POLG: variants seen among roughly 807,000 people sequenced by gnomAD.
POLG encodes the protein DNA polymerase gamma, catalytic subunit.
POLG carries 110 observed loss-of-function variants against 155.4 expected under a neutral mutation model. The observed-to-expected ratio is 0.71, with a 90% CI of 0.61 to 0.83. The LOEUF is 0.83. Among genes scored for constraint, POLG ranks in the 40% least tolerant of loss-of-function variants. POLG has a pLI of 0.00. For missense variants in POLG, 1,685 were observed against 1,627.5 expected, an observed-to-expected ratio of 1.04 and a Z score of -0.61; for synonymous variants, 701 against 631.5, an observed-to-expected ratio of 1.11 and a Z score of -1.65.
At position 89,333,079 on chromosome 15, in the gene POLG, A is replaced by T; in HGVS notation, c.659+17T>A. 6.6e-7 allele frequency: 1 copy of T among 1,510,132 alleles called. No individual in the cohort carries two copies. Among genetic ancestry groups the T allele is most frequent in the Non-Finnish European group, 8.9e-7 (1 of 1,129,778 alleles). 93.5% of individuals were successfully genotyped at this position (1,510,132 alleles called of 1,614,324 possible). On this transcript the variant is annotated intron_variant, in intron 2 of 22. Coordinates refer to ENST00000268124, the MANE Select transcript of POLG (RefSeq NM_002693.3). ...GCCCCCATGCCTGCTTATGTCCCCAACCCTGCCCCTACTTACCAGGCCGAG... is the reference window on the plus strand; with the variant it reads ...GCCCCCATGCCTGCTTATGTCCCCATCCCTGCCCCTACTTACCAGGCCGAG...
At chr15:89,318,855 T>C (rs914900443) in intron 20 of POLG, 76 bp downstream of exon 20, 2 of 1,577,980 alleles carry the variant, frequency 1.3e-6, no homozygotes, top group East Asian at 4.5e-5. Flanking sequence ...CCTACAAACA[T>C]TGGTAAGGTC....
Position 89,325,284 on chromosome 15 carries a change from A to AAG in POLG, c.1949+164_1949+165dup, listed in dbSNP as rs145083754. Among the ~76,000 whole-genome samples the AAG allele has an allele frequency of 3.2e-3, 184 of 57,408 alleles. 56 individuals are homozygous for AAG. The highest frequency in any genetic ancestry group is 0.021 in the African/African-American group (160 of 7,786). 37.7% of individuals were successfully genotyped at this position (57,408 alleles called of 152,430 possible). ...TGAGTGAGTGAGTGAGAGAGAGAGA[A>AAG]AGAGAGAGAGAGAGGGTGTGTGTGT... On this transcript the variant is annotated intron_variant, in intron 10 of 22. Coordinates refer to ENST00000268124, the MANE Select transcript of POLG (RefSeq NM_002693.3).
intron 10 of POLG, 183 bp from the exon 11 acceptor site, chr15:89,324,410 A>C (rs968610893): frequency 1.4e-6 from 1 of 718,286 alleles, no homozygotes; most frequent in Non-Finnish European, 2.4e-6. Flanking sequence ...AAATGACAGC[A>C]CCCTGGCAGC....
rs1056580076 is a variant in POLG, at chr15:89,333,324, T to C, written c.431A>G (p.Gln144Arg). Residue 144 changes from glutamine (Q) to arginine (R), a missense_variant, in exon 2 of 23, where the codon CAG (glutamine) becomes CGG (arginine). Transcript: ENST00000268124. ...CTCCAGGTAGGGCAGGCTCTGCTTC[T>C]GGGCCAGGAGGCGGAAGTGCTGGTC... ...NLDQHFRLLA[Q>R]KQSLPYLEAA... is the part of the protein sequence containing the mutation. 5.8e-6 allele frequency: 9 copies of C among 1,559,106 alleles called. No homozygotes were observed. The highest frequency in any genetic ancestry group is 7.8e-6 in the Non-Finnish European group (9 of 1,152,444).
rs3176191 is a variant in POLG at position 89,325,717 on chromosome 15, C to T, written c.1713-31G>A. 8.4e-3 allele frequency: 12,675 copies of T among 1,503,288 alleles called. 92 individuals are homozygous for T. The highest frequency in any genetic ancestry group is 0.01 in the Non-Finnish European group (11,296 of 1,090,414). 93.1% of individuals were successfully genotyped at this position (1,503,288 alleles called of 1,614,324 possible). A position where few individuals can be genotyped will look rare whatever the true frequency, so the allele number is the denominator to read the frequency against. On this transcript the variant is annotated intron_variant, in intron 9 of 22. Coordinates refer to ENST00000268124, the MANE Select transcript of POLG (RefSeq NM_002693.3). ...TCCCAGCAGGAAGACAGCAGTGTCA[C>T]GATGGTAAGGGCAGTTGTTGGGGGG...
Position 89,320,085 on chromosome 15 carries a change from C to G in POLG, c.2981+681G>C, listed in dbSNP as rs541492840. 2.0e-5 allele frequency among the ~76,000 whole-genome samples: 3 copies of G among 152,374 alleles called. No homozygotes were observed. The East Asian group carries it at 5.8e-4, about 29-fold the overall frequency. On this transcript the variant is annotated intron_variant, in intron 18 of 22. Transcript: ENST00000268124. ...ATCCACTGGACGATACTCAGCTCCCCTTCCCTGCATTTATAGTCATCAACC... is the reference window on the plus strand; with the variant it reads ...ATCCACTGGACGATACTCAGCTCCCGTTCCCTGCATTTATAGTCATCAACC...
Position 89,328,492 on chromosome 15 carries a change from T to C in POLG, c.1214A>G (p.Glu405Gly). 3 of 1,613,820 alleles carry C rather than the reference T, an allele frequency of 1.9e-6. No individual in the cohort carries two copies. The highest frequency in any genetic ancestry group is 2.5e-6 in the Non-Finnish European group (3 of 1,179,984). Reference protein sequence around the residue: ...YCAQDVWATHEVFQQQLPLFL... With the variant: ...YCAQDVWATHGVFQQQLPLFL... Reference sequence around the variant, plus strand: ...GAGCGGTAGCTGCTGCTGGAAAACCTCATGGGTGGCCCACACGTCCTGGGC... The same window carrying C: ...GAGCGGTAGCTGCTGCTGGAAAACCCCATGGGTGGCCCACACGTCCTGGGC... Residue 405 changes from glutamate (E) to glycine (G), a missense_variant, in exon 6 of 23, where the codon GAG becomes GGG. Glu to Gly is a moderately conservative substitution (Grantham distance 98, BLOSUM62 -2). Coordinates refer to ENST00000268124, the MANE Select transcript of POLG (RefSeq NM_002693.3).
chr15:89,318,432 C>T lies in POLG; in HGVS notation c.3482+109G>A, dbSNP rs996469959. 11 of 843,486 alleles carry T rather than the reference C, an allele frequency of 1.3e-5. No homozygotes were observed. In the Admixed American group the frequency reaches 1.4e-4, roughly 11 times the overall value. 52.3% of individuals were successfully genotyped at this position (843,486 alleles called of 1,614,324 possible). A position where few individuals can be genotyped will look rare whatever the true frequency, so the allele number is the denominator to read the frequency against. On this transcript the variant is annotated intron_variant, in intron 21 of 22. Transcript: ENST00000268124. ...ATAAATAAATAAGCTGAAACATTCACTTCTAGGGGGATGAAAAGTCAAAAC... is the reference window on the plus strand; with the variant it reads ...ATAAATAAATAAGCTGAAACATTCATTTCTAGGGGGATGAAAAGTCAAAAC...
chr15:89,322,434 C>T (rs886706337), intron 14 of POLG, among the ~76,000 whole-genome samples: 4 of 152,244 alleles, frequency 2.6e-5, no homozygotes, highest in African/African-American at 7.2e-5. Context: ...CAGCCCCCAA[C>T]AGGGCTTACA....
rs886044283 is a variant in POLG, at chr15:89,328,544, A to G, written c.1171-9T>C. 4 of 1,613,098 alleles carry G rather than the reference A, an allele frequency of 2.5e-6. No individual in the cohort carries two copies. In the African/African-American group the frequency reaches 4.0e-5, roughly 16 times the overall value. ...CAGTACTGCATCAGGTCCTGGCACA[A>G]GGTGACAGGAAGGCGCAAGGTGGGC... On this transcript the variant is annotated splice_polypyrimidine_tract_variant and intron_variant, in intron 5 of 22. Coordinates refer to ENST00000268124, the MANE Select transcript of POLG (RefSeq NM_002693.3).
Position 89,323,901 on chromosome 15 carries a change from C to G in POLG, c.2071G>C (p.Val691Leu). 1 of 1,612,550 alleles carries G rather than the reference C, an allele frequency of 6.2e-7. No individual in the cohort carries two copies. The highest frequency in any genetic ancestry group is 8.5e-7 in the Non-Finnish European group (1 of 1,178,504). Reference protein sequence around the residue: ...LTDNSAIWQTVEELDYLEVEA... With the variant: ...LTDNSAIWQTLEELDYLEVEA... ...ACTTCTAAGTAATCCAGTTCTTCTA[C>G]CTGGAGCAGTCCAAGGACCAAAGTA... The change falls in exon 12 of 23, where the codon GTA becomes CTA. Residue 691 changes from valine to leucine, a missense_variant and splice_region_variant. By Grantham distance (32) the Val-to-Leu change is conservative. This residue lies in a region of POLG where 1,210 missense variants were observed against 1,167.1 expected (regional missense o/e 1.04). Transcript: ENST00000268124.
In POLG at chr15:89,323,916, G is replaced by A. The variant is rs1567188502; in HGVS notation, c.2071-15C>T. The stretch of plus-strand genomic sequence containing the variant: ...AGTTCTTCTACCTGGAGCAGTCCAA[G>A]GACCAAAGTAGTGAAGCAGGGGACT... On this transcript the variant is annotated splice_polypyrimidine_tract_variant and intron_variant, in intron 11 of 22. Transcript: ENST00000268124. 6 of 1,605,324 alleles carry A rather than the reference G, an allele frequency of 3.7e-6. No individual in the cohort carries two copies. The highest frequency in any genetic ancestry group is 1.1e-5 in the South Asian group (1 of 90,902).
At chr15:89,326,098 G>C (rs2351002) in intron 9 of POLG, among the ~76,000 whole-genome samples, 46,512 of 152,078 alleles carry the variant, frequency 0.31, 8,600 homozygotes, top group South Asian at 0.43. Flanking sequence ...CCCAGGGTGA[G>C]ACTAGCAAGG....
intron 10 of POLG, 129 bp downstream of exon 10, chr15:89,325,321 T>G: frequency 4.3e-6 from 3 of 696,462 alleles, no homozygotes; most frequent in Non-Finnish European, 7.7e-6. Flanking sequence ...TGTGTTAATT[T>G]TTTTCCTGTT....
chr15:89,325,065 T>TGAGTGAGTGAGA lies in POLG; in HGVS notation c.1949+384_1949+385insTCTCACTCACTC, dbSNP rs1281545564. ...GTGAGTGAGTGAGTGAGAGAGTGAG[T>TGAGTGAGTGAGA]GAGTGAGTGAGTGAGTGAGAGAGTG... On this transcript the variant is annotated intron_variant, in intron 10 of 22. Coordinates refer to ENST00000268124, the MANE Select transcript of POLG (RefSeq NM_002693.3). Among the ~76,000 whole-genome samples the TGAGTGAGTGAGA allele has an allele frequency of 2.0e-3, 174 of 87,952 alleles. 23 individuals carry two copies. The highest frequency in any genetic ancestry group is 2.6e-3 in the Non-Finnish European group (119 of 45,242). The allele number at this position is 87,952 out of a possible 152,430, so 57.7% of individuals were successfully genotyped here.
At chr15:89,334,071 C>A (rs3176159) in intron 1 of POLG, 158 bp from the exon 2 acceptor site, 8 of 435,536 alleles carry the variant, frequency 1.8e-5, no homozygotes, top group Admixed American at 4.0e-5. Flanking sequence ...ACGTCAATAC[C>A]CCTCCTGGGG....
chr15:89,333,005 C>A lies in POLG; in HGVS notation c.659+91G>T, dbSNP rs2283430. The A allele has an allele frequency of 0.41, 600,088 of 1,471,386 alleles. 125,614 individuals carry two copies. Among genetic ancestry groups the A allele is most frequent in the African/African-American group, 0.65 (45,712 of 70,266 alleles). The allele number at this position is 1,471,386 out of a possible 1,614,324, so 91.1% of individuals were successfully genotyped here. A position where few individuals can be genotyped will look rare whatever the true frequency, so the allele number is the denominator to read the frequency against. Reference sequence around the variant, plus strand: ...AGCGCTCCCTACGTGAGCACCCAGCCCGTAACAGGACCTCAGAAAATGTTC... The same window carrying A: ...AGCGCTCCCTACGTGAGCACCCAGCACGTAACAGGACCTCAGAAAATGTTC... On this transcript the variant is annotated intron_variant, in intron 2 of 22. Coordinates refer to ENST00000268124, the MANE Select transcript of POLG (RefSeq NM_002693.3).
Position 89,316,417 on chromosome 15 carries a change from G to A in POLG, c.*334C>T. ...TCTAGGGCACTGCATCAGAGCATGGGGGACAGAACAAAGAACCAGCCAAGA... is the reference window on the plus strand; with the variant it reads ...TCTAGGGCACTGCATCAGAGCATGGAGGACAGAACAAAGAACCAGCCAAGA... On this transcript the variant is annotated 3_prime_UTR_variant, in exon 23 of 23. Transcript: ENST00000268124. 1 of 1,611,788 alleles carries A rather than the reference G, an allele frequency of 6.2e-7. No individual in the cohort carries two copies.
rs141693239 is a variant in POLG, at chr15:89,332,919, G to C, written c.659+177C>G. 4.4e-3 allele frequency among the ~76,000 whole-genome samples: 664 copies of C among 152,254 alleles called. 5 individuals are homozygous for C. Among genetic ancestry groups the C allele is most frequent in the African/African-American group, 0.015 (630 of 41,516 alleles). ...ACTTGGGTATTTGCTTACTGCCTGT[G>C]ATCTTCCCACCAGAAAGTGAGTCCC... On this transcript the variant is annotated intron_variant, in intron 2 of 22. Transcript: ENST00000268124.
Sources: allele counts gnomAD v4.1 joint callset (sites outside exome capture counted in the v4.1 genomes callset), GRCh38; gene constraint gnomAD v4.1.1; regional missense constraint gnomAD v4.1.1; transcripts MANE v1.5; gene names NCBI Gene and HGNC (gene_info 2026-07-23, HGNC 2026-07-21).